ARHGAP28: variants seen among roughly 807,000 people sequenced by gnomAD.
ARHGAP28 encodes the protein rho GTPase-activating protein 28.
A neutral mutation model predicts 90.7 loss-of-function variants in ARHGAP28; 56 were observed. That is an observed-to-expected ratio of 0.62 (90% confidence interval 0.50 to 0.77). The LOEUF (loss-of-function observed/expected upper bound fraction) is 0.77. Ranked by LOEUF, ARHGAP28 falls within the 30% of genes least tolerant of loss-of-function variation. The probability of loss-of-function intolerance (pLI) is 0.00; values close to 1 mark genes in which losing one functional copy is unlikely to be tolerated. For synonymous variants in ARHGAP28, 308 were observed against 323.3 expected, an observed-to-expected ratio of 0.95 and a Z score of 0.51; for missense variants, 869 against 900.9, an observed-to-expected ratio of 0.96 and a Z score of 0.45.
At position 6,762,835 on chromosome 18, in the gene ARHGAP28, G is replaced by GA. The variant is rs201807723; in HGVS notation, c.122+32902dup. 2.4e-3 allele frequency among the ~76,000 whole-genome samples: 354 copies of GA among 150,222 alleles called. 2 individuals carry two copies. Among genetic ancestry groups the GA allele is most frequent in the African/African-American group, 8.2e-3 (335 of 40,902 alleles). On this transcript the variant is annotated intron_variant, in intron 1 of 17. Coordinates refer to ENST00000383472, the MANE Select transcript of ARHGAP28 (RefSeq NM_001366230.1). ...AGACTTTTAATTTCCAGAACTGTGAGAAAAAAAAAATCTTAAGCCATCCAG... is the reference window on the plus strand; with the variant it reads ...AGACTTTTAATTTCCAGAACTGTGAGAAAAAAAAAAATCTTAAGCCATCCAG...
intron 5 of ARHGAP28, among the ~76,000 whole-genome samples, chr18:6,860,851 T>C (rs776004709): frequency 3.9e-5 from 6 of 152,214 alleles, no homozygotes; most frequent in Non-Finnish European, 8.8e-5. Context: ...CTTTTATCAT[T>C]GATTAACTTA....
intron 1 of ARHGAP28, among the ~76,000 whole-genome samples, chr18:6,760,527 G>C (rs11081269): frequency 0.62 from 94,246 of 152,060 alleles, 30,377 homozygotes; most frequent in Middle Eastern, 0.72. Flanking sequence ...TAGCAGAAAA[G>C]TTTATTTTTA....
At chr18:6,745,213 A>G (rs1290523194) in intron 1 of ARHGAP28, among the ~76,000 whole-genome samples, 2 of 152,172 alleles carry the variant, frequency 1.3e-5, no homozygotes, top group Non-Finnish European at 2.9e-5. Context: ...GTGTCCTCTG[A>G]CATGCTAGGC....
intron 9 of ARHGAP28, among the ~76,000 whole-genome samples, chr18:6,875,762 C>T (rs188085336): frequency 3.2e-4 from 49 of 152,276 alleles, no homozygotes; most frequent in Non-Finnish European, 1.3e-4. Flanking sequence ...CAACCAATGA[C>T]AGTAGATTTA....
chr18:6,903,723 C>T (rs1175408392), intron 16 of ARHGAP28, among the ~76,000 whole-genome samples: 1 of 147,226 alleles, frequency 6.8e-6, no homozygotes, highest in African/African-American at 2.5e-5. Flanking sequence ...CCCAGCTACT[C>T]GGAGGCTGAG....
At chr18:6,906,805 A>G (rs1600310073) in intron 16 of ARHGAP28, among the ~76,000 whole-genome samples, 1 of 152,214 alleles carries the variant, frequency 6.6e-6, no homozygotes, top group African/African-American at 2.4e-5. Context: ...GAAAACTTAT[A>G]CTCTAAAAGA....
At chr18:6,856,976 C>T (rs1207650953) in intron 4 of ARHGAP28, among the ~76,000 whole-genome samples, 1 of 152,076 alleles carries the variant, frequency 6.6e-6, no homozygotes, top group Non-Finnish European at 1.5e-5. Flanking sequence ...TATAAATATA[C>T]CACTATTGAT....
chr18:6,785,486 C>T (rs2056358276), intron 1 of ARHGAP28, among the ~76,000 whole-genome samples: 2 of 152,176 alleles, frequency 1.3e-5, no homozygotes, highest in South Asian at 4.1e-4. Context: ...TTCTTTGGCC[C>T]AGGGGTCCCT....
intron 10 of ARHGAP28, 131 bp downstream of exon 10, chr18:6,876,339 G>T (rs1245995041): frequency 3.4e-6 from 2 of 587,132 alleles, no homozygotes; most frequent in East Asian, 2.9e-5. Context: ...AGTATTCCTT[G>T]GTACCTGTGG....
rs1448666973 is a variant in ARHGAP28, at chr18:6,914,136, T to G, written c.*1982T>G. 1 of 152,220 alleles carries G rather than the reference T, an allele frequency of 6.6e-6. No homozygotes were observed. Among genetic ancestry groups the G allele is most frequent in the African/African-American group, 2.4e-5 (1 of 41,464 alleles). The allele number at this position is 152,220 out of a possible 1,614,324, so 9.4% of individuals were successfully genotyped here. A position where few individuals can be genotyped will look rare whatever the true frequency, so the allele number is the denominator to read the frequency against. ...TTCATTTAATTTTTTAATTTGAGAA[T>G]TTTTATTTCTTTTGACTGAAAACAC... On this transcript the variant is annotated 3_prime_UTR_variant, in exon 18 of 18. Transcript: ENST00000383472.
intron 17 of ARHGAP28, among the ~76,000 whole-genome samples, chr18:6,909,709 A>G (rs1677741826): frequency 6.6e-6 from 1 of 152,062 alleles, no homozygotes; most frequent in African/African-American, 2.4e-5. Context: ...TAACTTCCCT[A>G]TTTTAACTCT....
At chr18:6,747,681 GAA>G (rs1262882737) in intron 1 of ARHGAP28, among the ~76,000 whole-genome samples, 3 of 152,132 alleles carry the variant, frequency 2.0e-5, no homozygotes, top group African/African-American at 7.2e-5. Flanking sequence ...CTTCCCCACA[GAA>G]AAAATACCCA....
At chr18:6,841,506 A>G (rs2056827491) in intron 3 of ARHGAP28, among the ~76,000 whole-genome samples, 1 of 151,652 alleles carries the variant, frequency 6.6e-6, no homozygotes, top group African/African-American at 2.4e-5. Context: ...TAAAATACTT[A>G]TAAAGATATA....
chr18:6,843,137 G>A (rs1453514241), intron 3 of ARHGAP28, among the ~76,000 whole-genome samples: 2 of 151,726 alleles, frequency 1.3e-5, no homozygotes, highest in Non-Finnish European at 2.9e-5. Context: ...AATGTGCCTG[G>A]CATTTAGTAG....
At chr18:6,844,417 C>T (rs1020626168) in intron 3 of ARHGAP28, among the ~76,000 whole-genome samples, 7 of 152,130 alleles carry the variant, frequency 4.6e-5, no homozygotes, top group African/African-American at 1.7e-4. Context: ...GTGTCTTCCA[C>T]AGAGAATAGT....
intron 2 of ARHGAP28, among the ~76,000 whole-genome samples, chr18:6,827,410 G>A (rs1413613071): frequency 6.9e-6 from 1 of 145,526 alleles, no homozygotes; most frequent in African/African-American, 2.6e-5. Context: ...TGGCCGGGAG[G>A]GGGGTTGACC....
intron 2 of ARHGAP28, among the ~76,000 whole-genome samples, chr18:6,832,458 A>C (rs2056723524): frequency 6.6e-6 from 1 of 152,036 alleles, no homozygotes; most frequent in Non-Finnish European, 1.5e-5. Context: ...TGTTCTTACT[A>C]ATCTTTGATT....
At chr18:6,805,816 A>C (rs2056514871) in intron 1 of ARHGAP28, among the ~76,000 whole-genome samples, 1 of 151,742 alleles carries the variant, frequency 6.6e-6, no homozygotes, top group Non-Finnish European at 1.5e-5. Flanking sequence ...GGTTTACACC[A>C]TTTATACTTT....
At chr18:6,800,851 A>C (rs1567951936) in intron 1 of ARHGAP28, among the ~76,000 whole-genome samples, 1 of 152,212 alleles carries the variant, frequency 6.6e-6, no homozygotes, top group Non-Finnish European at 1.5e-5. Context: ...CAGAACTTAA[A>C]GTATAATTTA....
Sources: gnomAD v4.1 joint callset for allele counts (sites outside exome capture counted in the v4.1 genomes callset) on GRCh38, gnomAD v4.1.1 for gene constraint, MANE v1.5 for transcripts, NCBI Gene and HGNC (gene_info 2026-07-23, HGNC 2026-07-21) for gene names.